Variants in PARP4 observed in about 807,000 individuals in gnomAD.
The protein encoded by PARP4 is protein mono-ADP-ribosyltransferase PARP4.
PARP4 carries 120 observed loss-of-function variants against 187.7 expected under a neutral mutation model. The ratio of observed to expected loss-of-function variants is 0.64; its 90% CI spans 0.55 to 0.74. PARP4 has a LOEUF of 0.74. Among genes scored for constraint, PARP4 ranks in the 30% least tolerant of loss-of-function variants. The probability of loss-of-function intolerance (pLI) is 0.00; values close to 1 mark genes in which losing one functional copy is unlikely to be tolerated. For missense variants in PARP4, 1,836 were observed against 2,070.5 expected (o/e 0.89, Z 2.20); for synonymous variants, 654 against 740.9 (o/e 0.88, Z 1.90).
chr13:24,511,919 A>G (rs1870037119), intron 1 of PARP4, among the ~76,000 whole-genome samples: 3 of 152,246 alleles, frequency 2.0e-5, no homozygotes, highest in Admixed American at 6.5e-5. Flanking sequence ...TTTCACTCCT[A>G]CATGATATAC....
At chr13:24,495,377 A>T (rs892365883) in intron 6 of PARP4, among the ~76,000 whole-genome samples, 1 of 152,132 alleles carries the variant, frequency 6.6e-6, no homozygotes, top group African/African-American at 2.4e-5. Context: ...GAAAAAAAAA[A>T]TCTGGAGGGG....
chr13:24,472,865 T>C (rs1440015549), intron 15 of PARP4, among the ~76,000 whole-genome samples: 3 of 150,858 alleles, frequency 2.0e-5, no homozygotes, highest in Non-Finnish European at 3.0e-5. Context: ...AAGGTGGGAT[T>C]TTCTCCTTCT....
rs532822182 is a variant in PARP4 at position 24,474,972 on chromosome 13, C to A, written c.1914+500G>T. 4.1e-5 allele frequency among the ~76,000 whole-genome samples: 6 copies of A among 147,962 alleles called. No homozygotes were observed. The East Asian group carries it at 1.2e-3, about 30-fold the overall frequency. On this transcript the variant is annotated intron_variant, in intron 15 of 33. Coordinates refer to ENST00000381989, the MANE Select transcript of PARP4 (RefSeq NM_006437.4). Reference sequence around the variant, plus strand: ...GCGCCTGGGCCAGATCAGCCTCCTTCCTACCTCTGAGCCTTGGCATGTGAT... The same window carrying A: ...GCGCCTGGGCCAGATCAGCCTCCTTACTACCTCTGAGCCTTGGCATGTGAT...
chr13:24,430,355 A>T (rs7326932), intron 32 of PARP4, among the ~76,000 whole-genome samples: 51,689 of 150,680 alleles, frequency 0.34, 8,952 homozygotes, highest in Middle Eastern at 0.39. Flanking sequence ...TATTTTATTT[A>T]AAAAAAAAAT....
intron 12 of PARP4, among the ~76,000 whole-genome samples, chr13:24,479,729 C>G (rs1177761773): frequency 6.6e-6 from 1 of 152,156 alleles, no homozygotes; most frequent in Non-Finnish European, 1.5e-5. Context: ...GTGGGTGGTG[C>G]CAGATAAGAG....
intron 12 of PARP4, among the ~76,000 whole-genome samples, chr13:24,479,568 G>C (rs1873158499): frequency 6.6e-6 from 1 of 152,126 alleles, no homozygotes; most frequent in African/African-American, 2.4e-5. Context: ...TAGCTACTCT[G>C]GTGGGGCCTT....
chr13:24,434,502 C>T lies in PARP4; in HGVS notation c.4639G>A (p.Asp1547Asn). ...ACTTCCAGAAAGCACAGGATACTGT[C>T]ATCTTTTGTATCACATTTTATTTGT... Reference protein sequence around the residue: ...FLQIKCDTKDDSILCFLEVKE... With the variant: ...FLQIKCDTKDNSILCFLEVKE... The change falls in exon 31 of 34, where the codon GAC (aspartate) becomes AAC (asparagine). Residue 1547 changes from aspartate to asparagine, a missense_variant. Physicochemically the swap from Asp to Asn is conservative, Grantham distance 23. Coordinates refer to ENST00000381989, the MANE Select transcript of PARP4 (RefSeq NM_006437.4). 2 of 1,613,876 alleles carry T rather than the reference C, an allele frequency of 1.2e-6. No homozygotes were observed. The highest frequency in any genetic ancestry group is 8.5e-7 in the Non-Finnish European group (1 of 1,179,738).
Position 24,434,895 on chromosome 13 carries a change from G to A in PARP4, c.4246C>T (p.His1416Tyr), listed in dbSNP as rs1254462748. The A allele has an allele frequency of 6.2e-7, 1 of 1,614,168 alleles. No homozygotes were observed. Among genetic ancestry groups the A allele is most frequent in the Non-Finnish European group, 8.5e-7 (1 of 1,180,028 alleles). ...LSSAQSAPLQ[H>Y]PGGFTTRPSA... Reference sequence around the variant, plus strand: ...GGCCTGGTAGTAAAGCCTCCAGGATGTTGCAGTGGAGCAGACTGTGCAGAG... The same window carrying A: ...GGCCTGGTAGTAAAGCCTCCAGGATATTGCAGTGGAGCAGACTGTGCAGAG... Residue 1416 changes from histidine to tyrosine, a missense_variant, in exon 31 of 34, where the codon CAT becomes TAT. His to Tyr is a moderately conservative substitution (Grantham distance 83). Transcript: ENST00000381989.
chr13:24,459,539 ACACACACG>A (rs1207208323), intron 18 of PARP4: 5,205 of 294,790 alleles, frequency 0.018, 87 homozygotes, highest in African/African-American at 0.052. Flanking sequence ...GTATACACAC[ACACACACG>A]CACACACACA....
intron 10 of PARP4, among the ~76,000 whole-genome samples, chr13:24,487,799 C>A (rs1201740277): frequency 1.3e-5 from 2 of 152,114 alleles, no homozygotes; most frequent in Non-Finnish European, 2.9e-5. Flanking sequence ...CTTCACAGAG[C>A]TGGCTTACCA....
chr13:24,438,261 T>C (rs1045375910), intron 30 of PARP4, among the ~76,000 whole-genome samples: 2 of 152,196 alleles, frequency 1.3e-5, no homozygotes, highest in South Asian at 2.1e-4. Flanking sequence ...GGGATGAAAG[T>C]ATTCCACATG....
At chr13:24,477,051 T>C (rs962021176) in intron 14 of PARP4, among the ~76,000 whole-genome samples, 1 of 152,242 alleles carries the variant, frequency 6.6e-6, no homozygotes, top group Non-Finnish European at 1.5e-5. Context: ...TTACACTTTC[T>C]GCACCATGAC....
intron 18 of PARP4, 148 bp from the exon 19 acceptor site, chr13:24,459,458 G>T: frequency 1.6e-6 from 1 of 641,400 alleles, no homozygotes; most frequent in East Asian, 3.3e-5. Context: ...GTTTGCTCAT[G>T]GAATGACAGG....
chr13:24,511,158 A>G (rs1275031644), intron 1 of PARP4, among the ~76,000 whole-genome samples: 1 of 152,130 alleles, frequency 6.6e-6, no homozygotes, highest in Admixed American at 6.5e-5. Flanking sequence ...GGAGGTATGG[A>G]AAGGCGCACT....
chr13:24,440,633 C>T (rs1471089042), intron 30 of PARP4, among the ~76,000 whole-genome samples: 16 of 152,162 alleles, frequency 1.1e-4, no homozygotes, highest in Admixed American at 3.3e-4. Context: ...ACTGCTCTCC[C>T]CACTAGGGCA....
At chr13:24,499,513 G>T in intron 4 of PARP4, 137 bp from the exon 5 acceptor site, 1 of 672,602 alleles carries the variant, frequency 1.5e-6, no homozygotes, top group East Asian at 3.2e-5. Context: ...AGTCCACATG[G>T]TAAGTCCCTA....
At position 24,445,571 on chromosome 13, in the gene PARP4, G is replaced by A. The variant is rs140397472; in HGVS notation, c.3366+1110C>T. 1.8e-3 allele frequency among the ~76,000 whole-genome samples: 277 copies of A among 152,296 alleles called. 2 individuals carry two copies. The highest frequency in any genetic ancestry group is 6.4e-3 in the African/African-American group (266 of 41,560). On this transcript the variant is annotated intron_variant, in intron 27 of 33. Coordinates refer to ENST00000381989, the MANE Select transcript of PARP4 (RefSeq NM_006437.4). ...GCCAGGAGGATGGTGCACCCCAACT[G>A]TATGTTAGACAGAAGCTCCTGTGCT...
intron 17 of PARP4, 77 bp downstream of exon 17, chr13:24,468,947 T>C (rs1326639847): frequency 9.3e-7 from 1 of 1,073,522 alleles, no homozygotes; most frequent in African/African-American, 1.6e-5. Flanking sequence ...GCCTCTAGCA[T>C]GAAATTCGTA....
chr13:24,505,003 CTTTTTTTT>C lies in PARP4; in HGVS notation c.-1-1234_-1-1227del, dbSNP rs34271210. Among the ~76,000 whole-genome samples, 4 of 129,754 alleles carry C rather than the reference CTTTTTTTT, an allele frequency of 3.1e-5. No individual in the cohort carries two copies. The South Asian group carries it at 1.0e-3, about 34-fold the overall frequency. 85.1% of individuals were successfully genotyped at this position (129,754 alleles called of 152,430 possible). A position where few individuals can be genotyped will look rare whatever the true frequency, so the allele number is the denominator to read the frequency against. On this transcript the variant is annotated intron_variant, in intron 1 of 33. Coordinates refer to ENST00000381989, the MANE Select transcript of PARP4 (RefSeq NM_006437.4). ...AGCCACCGCACCTGGCACACCCCCG[CTTTTTTTT>C]TTTTTTTTTTGAGTCAGGGTCTCAC...
Sources: gnomAD v4.1 joint callset for allele counts (sites outside exome capture counted in the v4.1 genomes callset) on GRCh38, gnomAD v4.1.1 for gene constraint, MANE v1.5 for transcripts, NCBI Gene and HGNC (gene_info 2026-07-23, HGNC 2026-07-21) for gene names.